YJU2B: variants seen among roughly 807,000 people sequenced by gnomAD.
YJU2B encodes probable splicing factor YJU2B.
A neutral mutation model predicts 38.0 loss-of-function variants in YJU2B; 18 were observed. The observed-to-expected ratio is 0.47, with a 90% CI of 0.33 to 0.70. The LOEUF is 0.70. Ranked by LOEUF, YJU2B falls within the 30% of genes least tolerant of loss-of-function variation. YJU2B has a pLI of 0.02. For synonymous variants in YJU2B, 246 were observed against 225.4 expected (o/e 1.09, Z -0.82); for missense variants, 538 against 556.3 (o/e 0.97, Z 0.33).
intron 2 of YJU2B, among the ~76,000 whole-genome samples, chr19:13,740,173 G>A (rs1406350175): frequency 2.6e-5 from 4 of 152,080 alleles, no homozygotes; most frequent in Non-Finnish European, 4.4e-5. Context: ...GCATGAAACT[G>A]GAAGCCATCA....
chr19:13,736,254 C>CTTTTTTTTTTTTTTTTT (rs60385996), intron 2 of YJU2B, among the ~76,000 whole-genome samples: 1 of 104,244 alleles, frequency 9.6e-6, no homozygotes, highest in Non-Finnish European at 1.8e-5. Context: ...TTCTTTCTTT[C>CTTTTTTTTTTTTTTTTT]TTTTTTTTTT....
At chr19:13,753,895 CAAGATGAGATTTCGCCTGT>C (rs1342645142) in intron 2 of YJU2B, among the ~76,000 whole-genome samples, 1 of 151,902 alleles carries the variant, frequency 6.6e-6, no homozygotes, top group African/African-American at 2.4e-5. Context: ...AACTACAATT[CAAGATGAGATTTCGCCTGT>C]AATCCCAGCA....
At position 13,758,874 on chromosome 19, in the gene YJU2B, G is replaced by C; in HGVS notation, c.264G>C (p.Arg88=). The part of the protein sequence containing the change: ...NYYTTPIYRF[R]MKCHLCVNYI... Reference sequence around the variant, plus strand: ...GCCCACCGCTCCCTCCCAGGTTCCGGATGAAATGCCACCTCTGTGTCAACT... The same window carrying C: ...GCCCACCGCTCCCTCCCAGGTTCCGCATGAAATGCCACCTCTGTGTCAACT... Residue 88 remains arginine, a synonymous_variant, in exon 7 of 10, where the codon CGG becomes CGC. Transcript: ENST00000221554. 1 of 1,613,904 alleles carries C rather than the reference G, an allele frequency of 6.2e-7. No individual in the cohort carries two copies. The highest frequency in any genetic ancestry group is 2.2e-5 in the East Asian group (1 of 44,890).
At chr19:13,756,370 C>A in intron 4 of YJU2B, 91 bp downstream of exon 4, 1 of 952,968 alleles carries the variant, frequency 1.0e-6, no homozygotes, top group Non-Finnish European at 1.7e-6. Flanking sequence ...CCCAGTGCTG[C>A]AGGGTCTTCA....
At chr19:13,736,014 T>C (rs1972935323) in intron 2 of YJU2B, among the ~76,000 whole-genome samples, 1 of 145,978 alleles carries the variant, frequency 6.9e-6, no homozygotes, top group Non-Finnish European at 1.5e-5. Flanking sequence ...ATCGCGCCAC[T>C]ACACTCCAGC....
At chr19:13,741,499 G>A (rs1166999282) in intron 2 of YJU2B, among the ~76,000 whole-genome samples, 4 of 151,644 alleles carry the variant, frequency 2.6e-5, no homozygotes, top group Non-Finnish European at 5.9e-5. Context: ...TGCCCAGGCT[G>A]GAGTGGTGGG....
chr19:13,745,723 ATATC>A, upstream of YJU2B, among the ~76,000 whole-genome samples: 1 of 87,028 alleles, frequency 1.1e-5, no homozygotes, highest in South Asian at 3.7e-4. Context: ...AGATCTATAG[ATATC>A]TATATATATA....
At chr19:13,761,514 GTT>G (rs961748744) in intron 8 of YJU2B, 1 of 152,460 alleles carries the variant, frequency 6.6e-6, no homozygotes, top group Non-Finnish European at 1.5e-5. Context: ...CAGGGCAAGG[GTT>G]TTTCCCTGCC....
intron 8 of YJU2B, among the ~76,000 whole-genome samples, chr19:13,762,004 A>T (rs1269798627): frequency 1.3e-5 from 2 of 152,086 alleles, no homozygotes; most frequent in Non-Finnish European, 2.9e-5. Context: ...GATTACAGAC[A>T]TGAACTACCA....
At chr19:13,754,366 T>C (rs1437238809) in intron 3 of YJU2B, 24 bp downstream of exon 3, 1 of 1,599,922 alleles carries the variant, frequency 6.3e-7, no homozygotes, top group Admixed American at 1.7e-5. Flanking sequence ...CCGCTCCAGG[T>C]CCACAGTAGC....
rs1007225323 is a variant in YJU2B at position 13,757,140 on chromosome 19, C to CA, written c.141-267dup. Among the ~76,000 whole-genome samples the CA allele has an allele frequency of 5.2e-4, 75 of 145,522 alleles. 1 individual carries two copies. Among genetic ancestry groups the CA allele is most frequent in the East Asian group, 3.6e-3 (18 of 5,000 alleles). On this transcript the variant is annotated intron_variant, in intron 4 of 9. Transcript: ENST00000221554. ...TGGGGAACAGAGCAAGACTCTGTCT[C>CA]AAAAAAAAAAAGTCGCAGCAGCACC...
At chr19:13,749,811 T>G (rs1318089056) in intron 1 of YJU2B, among the ~76,000 whole-genome samples, 1 of 152,062 alleles carries the variant, frequency 6.6e-6, no homozygotes, top group East Asian at 1.9e-4. Context: ...TTTTTGTATT[T>G]TTTAGTAGAG....
intron 3 of YJU2B, among the ~76,000 whole-genome samples, chr19:13,755,129 A>G (rs1308176249): frequency 2.1e-5 from 3 of 142,302 alleles, no homozygotes; most frequent in Non-Finnish European, 4.5e-5. Context: ...ATACCACTGC[A>G]CCCCAGCCTG....
intron 2 of YJU2B, among the ~76,000 whole-genome samples, chr19:13,739,250 A>G (rs901278684): frequency 3.3e-5 from 5 of 151,980 alleles, no homozygotes; most frequent in African/African-American, 9.7e-5. Flanking sequence ...GGCTCAAGCA[A>G]TCCTCCTGCC....
chr19:13,757,334 C>T, intron 4 of YJU2B, 84 bp from the exon 5 acceptor site: 2 of 1,172,844 alleles, frequency 1.7e-6, no homozygotes, highest in Non-Finnish European at 2.5e-6. Flanking sequence ...CCTCAAATCA[C>T]AACCGCGGCC....
chr19:13,735,580 TG>T (rs1245546105), intron 2 of YJU2B, among the ~76,000 whole-genome samples: 1 of 151,826 alleles, frequency 6.6e-6, no homozygotes. Context: ...ACACATCTTT[TG>T]GAGTCAGCTC....
Position 13,762,600 on chromosome 19 carries a change from C to G in YJU2B, c.723C>G (p.Asp241Glu), listed in dbSNP as rs765149326. 1 of 1,528,026 alleles carries G rather than the reference C, an allele frequency of 6.5e-7. No homozygotes were observed. The highest frequency in any genetic ancestry group is 2.3e-5 in the East Asian group (1 of 44,260). 94.7% of individuals were successfully genotyped at this position (1,528,026 alleles called of 1,614,324 possible). ...LKFHTLDSYE[D>E]KQKLKRTEII... The stretch of plus-strand genomic sequence containing the variant: ...TCTCCTCTCCTCTAGCCTACGAGGA[C>G]AAGCAGAAACTCAAGCGGACCGAGA... Residue 241 changes from aspartate to glutamate, a missense_variant, in exon 10 of 10, where the codon GAC (aspartate) becomes GAG (glutamate). This residue lies in a region of YJU2B where 488 missense variants were observed against 469.5 expected (regional missense o/e 1.04). Coordinates refer to ENST00000221554, the MANE Select transcript of YJU2B (RefSeq NM_030818.4).
In YJU2B at chr19:13,763,049, C is replaced by G. The variant is rs780937753; in HGVS notation, c.1172C>G (p.Ser391Cys). Reference sequence around the variant, plus strand: ...GGCTCCTCCCTCGTGGCGGACTACTCCGACTCGGAGAGTGAGTGAGCGATC... The same window carrying G: ...GGCTCCTCCCTCGTGGCGGACTACTGCGACTCGGAGAGTGAGTGAGCGATC... ...SLGSSLVADYSDSESE is the reference protein window; with the variant it reads ...SLGSSLVADYCDSESE Residue 391 changes from serine to cysteine, a missense_variant, in exon 10 of 10, where the codon TCC becomes TGC. By Grantham distance (112) the Ser-to-Cys change is moderately radical (BLOSUM62 -1). Coordinates refer to ENST00000221554, the MANE Select transcript of YJU2B (RefSeq NM_030818.4). The G allele has an allele frequency of 7.7e-6, 12 of 1,563,186 alleles. No individual in the cohort carries two copies. In the East Asian group the frequency reaches 1.6e-4, roughly 21 times the overall value.
rs373052731 is a variant in YJU2B, at chr19:13,758,932, G to C, written c.322G>C (p.Asp108His). The change falls in exon 7 of 10, where the codon GAC becomes CAC. Residue 108 changes from aspartate to histidine, a missense_variant. Asp to His is a moderately conservative substitution (Grantham distance 81, BLOSUM62 -1). This residue lies in a region of YJU2B where 488 missense variants were observed against 469.5 expected (regional missense o/e 1.04). Transcript: ENST00000221554. ...GATGCAGACGGACCCCGCCAACTGCGACTACGTGATCGTGAGTGGCGCCCA... is the reference window on the plus strand; with the variant it reads ...GATGCAGACGGACCCCGCCAACTGCCACTACGTGATCGTGAGTGGCGCCCA... The part of the protein sequence containing the change: ...IEMQTDPANC[D>H]YVIVSGAQRK... The C allele has an allele frequency of 6.2e-7, 1 of 1,614,010 alleles. No individual in the cohort carries two copies. Among genetic ancestry groups the C allele is most frequent in the Non-Finnish European group, 8.5e-7 (1 of 1,180,010 alleles).
Sources: allele counts gnomAD v4.1 joint callset (sites outside exome capture counted in the v4.1 genomes callset), GRCh38; gene constraint gnomAD v4.1.1; regional missense constraint gnomAD v4.1.1; transcripts MANE v1.5; gene names NCBI Gene and HGNC (gene_info 2026-07-23, HGNC 2026-07-21).